DNM2: variants seen among roughly 807,000 people sequenced by gnomAD.
The protein encoded by DNM2 is dynamin-2.
DNM2 carries 15 observed loss-of-function variants against 99.0 expected under a neutral mutation model. That is an observed-to-expected ratio of 0.15 (90% CI 0.10 to 0.23). The LOEUF (loss-of-function observed/expected upper bound fraction) is 0.23. Ranked by LOEUF, DNM2 falls within the 10% of genes least tolerant of loss-of-function variation. The probability of loss-of-function intolerance (pLI) is 1.00; values close to 1 mark genes in which losing one functional copy is unlikely to be tolerated. For synonymous variants in DNM2, 525 were observed against 481.2 expected, an observed-to-expected ratio of 1.09 and a Z score of -1.19; for missense variants, 742 against 1,189.4, an observed-to-expected ratio of 0.62 and a Z score of 5.53.
In DNM2 at chr19:10,830,925, T is replaced by A; in HGVS notation, c.2544-53T>A. ...TCCTCAACCCAGGCCTGCCTCTTGC[T>A]CCCGGCCTCACTGCCGTCTCCCCCT... is the stretch of plus-strand genomic sequence containing the variant. On this transcript the variant is annotated intron_variant, in intron 20 of 20. Coordinates refer to ENST00000389253, the MANE Select transcript of DNM2 (RefSeq NM_001005361.3). This position sits in a 1 kb window ranked among gnomAD's most constrained non-coding sequence, Gnocchi z 4.8. 1 of 1,572,342 alleles carries A rather than the reference T, an allele frequency of 6.4e-7. No individual in the cohort carries two copies. Among genetic ancestry groups the A allele is most frequent in the Non-Finnish European group, 8.6e-7 (1 of 1,156,836 alleles).
At chr19:10,724,184 T>A (rs2069035023) in intron 1 of DNM2, among the ~76,000 whole-genome samples, 1 of 152,066 alleles carries the variant, frequency 6.6e-6, no homozygotes, top group Non-Finnish European at 1.5e-5. Flanking sequence ...TTTTATTATA[T>A]TATTATTCTT....
At position 10,772,979 on chromosome 19, in the gene DNM2, G is replaced by GTTT. The variant is rs370019989; in HGVS notation, c.385+367_385+369dup. 2.3e-4 allele frequency among the ~76,000 whole-genome samples: 28 copies of GTTT among 123,908 alleles called. No homozygotes were observed. The highest frequency in any genetic ancestry group is 5.1e-4 in the South Asian group (2 of 3,914). The allele number at this position is 123,908 out of a possible 152,430, so 81.3% of individuals were successfully genotyped here. A position where few individuals can be genotyped will look rare whatever the true frequency, so the allele number is the denominator to read the frequency against. ...ACCAGTCTTCTGTAAAATATCCTGG[G>GTTT]TTTTTTTTTTTTTTTTTTGAGACAG... On this transcript the variant is annotated intron_variant, in intron 3 of 20. Transcript: ENST00000389253. This position sits in a 1 kb window ranked among gnomAD's most constrained non-coding sequence, Gnocchi z 4.9.
intron 1 of DNM2, among the ~76,000 whole-genome samples, chr19:10,753,029 C>T (rs1258983254): frequency 2.6e-5 from 4 of 152,104 alleles, no homozygotes; most frequent in Admixed American, 1.3e-4. Flanking sequence ...GAGGCTGAGA[C>T]GGGAGGATCA....
In DNM2 at chr19:10,777,152, C is replaced by T. The variant is rs149660820; in HGVS notation, c.624C>T (p.Asp208=). The change falls in exon 5 of 21, where the codon GAC becomes GAT. Residue 208 remains aspartate, a synonymous_variant. Transcript: ENST00000389253. ...CCATCGGTGTCATCACCAAGCTTGA[C>T]CTGATGGACGAGGGCACCGACGCCA... ...LRTIGVITKL[D]LMDEGTDARD... 2 of 1,614,204 alleles carry T rather than the reference C, an allele frequency of 1.2e-6. No homozygotes were observed. Among genetic ancestry groups the T allele is most frequent in the Non-Finnish European group, 1.7e-6 (2 of 1,180,044 alleles).
At chr19:10,746,645 C>T (rs150256381) in intron 1 of DNM2, among the ~76,000 whole-genome samples, 15,229 of 151,450 alleles carry the variant, frequency 0.1, 1,186 homozygotes, top group East Asian at 0.37. Flanking sequence ...GTCTCGAACT[C>T]CCAACCTCAG....
rs1173436457 is a variant in DNM2 at position 10,798,539 on chromosome 19, C to T, written c.1389C>T (p.Tyr463=). The change falls in exon 11 of 21, where the codon TAC becomes TAT. Residue 463 remains tyrosine, a synonymous_variant. Coordinates refer to ENST00000389253, the MANE Select transcript of DNM2 (RefSeq NM_001005361.3). ...AGACAGAGCGAATCGTCACCACTTA[C>T]ATCCGGGAACGGGAGGGGAGAACGA... ...REETERIVTT[Y]IREREGRTKD... 2 of 1,614,226 alleles carry T rather than the reference C, an allele frequency of 1.2e-6. No homozygotes were observed. The highest frequency in any genetic ancestry group is 1.1e-5 in the South Asian group (1 of 91,090).
At chr19:10,774,868 C>G (rs1415257147) in intron 3 of DNM2, among the ~76,000 whole-genome samples, 1 of 150,970 alleles carries the variant, frequency 6.6e-6, no homozygotes, top group Non-Finnish European at 1.5e-5. Context: ...CTCCTGGGCT[C>G]AGGCGATCCT....
intron 2 of DNM2, among the ~76,000 whole-genome samples, chr19:10,770,905 A>G (rs1319269574): frequency 6.6e-6 from 1 of 152,192 alleles, no homozygotes; most frequent in Non-Finnish European, 1.5e-5. Context: ...GAGCCAGACC[A>G]TATCAGCCTC....
chr19:10,772,389 C>T lies in DNM2; in HGVS notation c.236-90C>T. ...CTACTGTGCCCAGCCTGGGTCATTA[C>T]TTTCATTCAACAAAGCATTTCTCCC... On this transcript the variant is annotated intron_variant, in intron 2 of 20. Transcript: ENST00000389253. This position sits in a 1 kb window ranked among gnomAD's most constrained non-coding sequence, Gnocchi z 4.9. 1 of 1,571,110 alleles carries T rather than the reference C, an allele frequency of 6.4e-7. No individual in the cohort carries two copies. The highest frequency in any genetic ancestry group is 2.2e-5 in the East Asian group (1 of 44,594).
chr19:10,742,205 T>C (rs561901629), intron 1 of DNM2, among the ~76,000 whole-genome samples: 1 of 152,212 alleles, frequency 6.6e-6, no homozygotes, highest in Non-Finnish European at 1.5e-5. Context: ...TCTGCTATGC[T>C]CAGGGTGGAT....
Position 10,732,428 on chromosome 19 carries a change from A to G in DNM2, c.161+14025A>G, listed in dbSNP as rs1465089255. 4.6e-5 allele frequency among the ~76,000 whole-genome samples: 7 copies of G among 150,870 alleles called. No homozygotes were observed. In the South Asian group the frequency reaches 8.4e-4, roughly 18 times the overall value. On this transcript the variant is annotated intron_variant, in intron 1 of 20. Coordinates refer to ENST00000389253, the MANE Select transcript of DNM2 (RefSeq NM_001005361.3). ...ATCCTGACTAACACGGTGAAACCCC[A>G]CCTCTACTAAAAATACAAAGAATTA...
intron 5 of DNM2, 65 bp downstream of exon 5, chr19:10,777,281 C>G: frequency 6.8e-7 from 1 of 1,481,278 alleles, no homozygotes; most frequent in South Asian, 1.2e-5. Flanking sequence ...ACTGAAACCC[C>G]AGCACCTGTT....
rs572862575 is a variant in DNM2 at position 10,815,898 on chromosome 19, G to A, written c.1671+3521G>A. The stretch of plus-strand genomic sequence containing the variant: ...ACTTAGAGAGAAGGCAGGCTGGGGG[G>A]CCCCGGCTGGCCCCAGGGAGAAGCA... On this transcript the variant is annotated intron_variant, in intron 15 of 20. Coordinates refer to ENST00000389253, the MANE Select transcript of DNM2 (RefSeq NM_001005361.3). 3.5e-4 allele frequency among the ~76,000 whole-genome samples: 53 copies of A among 152,278 alleles called. No individual in the cohort carries two copies. The South Asian group carries it at 3.7e-3, about 11-fold the overall frequency.
intron 1 of DNM2, among the ~76,000 whole-genome samples, chr19:10,724,399 G>C (rs1018407846): frequency 2.0e-5 from 3 of 152,232 alleles, no homozygotes; most frequent in African/African-American, 7.2e-5. Context: ...GGATGGTCTC[G>C]ATCTCCTGAC....
intron 3 of DNM2, among the ~76,000 whole-genome samples, chr19:10,773,991 C>G (rs1023197286): frequency 2.6e-5 from 4 of 152,208 alleles, no homozygotes; most frequent in African/African-American, 9.6e-5. Flanking sequence ...GCACAGATTG[C>G]TACCATGATG....
intron 4 of DNM2, among the ~76,000 whole-genome samples, chr19:10,776,311 T>G (rs947328834): frequency 3.9e-5 from 6 of 152,222 alleles, no homozygotes; most frequent in African/African-American, 1.4e-4. Context: ...TGTTGAACTT[T>G]TGGGTTGTTT....
At chr19:10,824,087 C>T in intron 17 of DNM2, 188 bp downstream of exon 17, 1 of 614,338 alleles carries the variant, frequency 1.6e-6, no homozygotes, top group South Asian at 1.9e-5. Flanking sequence ...CCAGAAAGTT[C>T]CCTCACGGAA....
intron 1 of DNM2, among the ~76,000 whole-genome samples, chr19:10,750,701 C>T (rs1052466929): frequency 6.6e-6 from 1 of 152,054 alleles, no homozygotes; most frequent in Non-Finnish European, 1.5e-5. Context: ...GCTGCTGAGG[C>T]AGGTGGATCA....
At chr19:10,807,943 G>A (rs1329530511) in intron 13 of DNM2, among the ~76,000 whole-genome samples, 1 of 146,290 alleles carries the variant, frequency 6.8e-6, no homozygotes, top group African/African-American at 2.5e-5. Flanking sequence ...AAGAGTTAGA[G>A]AACAGCCTGG....
Sources: allele counts gnomAD v4.1 joint callset (sites outside exome capture counted in the v4.1 genomes callset), GRCh38; gene constraint gnomAD v4.1.1; non-coding constraint Gnocchi (gnomAD v3.1); transcripts MANE v1.5; gene names NCBI Gene and HGNC (gene_info 2026-07-23, HGNC 2026-07-21).